MGAT3: variants seen among roughly 807,000 people sequenced by gnomAD.
MGAT3 encodes the protein beta-1,4-mannosyl-glycoprotein 4-beta-N-acetylglucosaminyltransferase.
A neutral mutation model predicts 29.8 loss-of-function variants in MGAT3; 9 were observed. The ratio of observed to expected loss-of-function variants is 0.30; its 90% CI spans 0.18 to 0.53. The LOEUF is 0.53. Among genes scored for constraint, MGAT3 ranks in the 20% least tolerant of loss-of-function variants. The pLI is 0.96. For synonymous variants in MGAT3, 397 were observed against 348.9 expected (o/e 1.14, Z -1.54); for missense variants, 557 against 769.5 (o/e 0.72, Z 3.27).
intron 1 of MGAT3, among the ~76,000 whole-genome samples, chr22:39,478,325 TG>T (rs1220333389): frequency 3.3e-5 from 5 of 152,192 alleles, no homozygotes; most frequent in Admixed American, 1.3e-4. Context: ...ATGCCCTGAG[TG>T]CCCACTGGGT....
intron 1 of MGAT3, among the ~76,000 whole-genome samples, chr22:39,469,092 A>G (rs1202448025): frequency 1.9e-5 from 2 of 103,542 alleles, no homozygotes; most frequent in Non-Finnish European, 3.7e-5. Context: ...AAGTGCGGGC[A>G]GTGGGACTGA....
chr22:39,465,676 A>C (rs1428281716), intron 1 of MGAT3, among the ~76,000 whole-genome samples: 1 of 152,142 alleles, frequency 6.6e-6, no homozygotes, highest in East Asian at 1.9e-4. Flanking sequence ...CATGCAAAAA[A>C]ACTCCAGCAC....
At chr22:39,470,169 A>G (rs1257251406) in intron 1 of MGAT3, among the ~76,000 whole-genome samples, 2 of 152,174 alleles carry the variant, frequency 1.3e-5, no homozygotes, top group African/African-American at 4.8e-5. Context: ...GGCGGGGCAG[A>G]CGTAAACAAC....
intron 1 of MGAT3, among the ~76,000 whole-genome samples, chr22:39,460,643 C>A (rs1391870463): frequency 2.0e-5 from 3 of 152,088 alleles, no homozygotes; most frequent in African/African-American, 7.2e-5. Flanking sequence ...ACTAAAAATA[C>A]AAAAATTAGC....
Position 39,487,238 on chromosome 22 carries a change from TG to T in MGAT3, c.-1-107del. 8.5e-7 allele frequency: 1 copy of T among 1,180,654 alleles called. No individual in the cohort carries two copies. Among genetic ancestry groups the T allele is most frequent in the Non-Finnish European group, 1.2e-6 (1 of 838,670 alleles). 73.1% of individuals were successfully genotyped at this position (1,180,654 alleles called of 1,614,324 possible). ...CACTCCATGCAGGGGCAGCAGGTGC[TG>T]GCCACCACATTGTCCAGCAAGGTGG... On this transcript the variant is annotated intron_variant, in intron 1 of 1. Transcript: ENST00000341184. The surrounding 1 kb of genome is among the most constrained non-coding windows in gnomAD (Gnocchi z 5.7).
intron 1 of MGAT3, among the ~76,000 whole-genome samples, chr22:39,464,717 A>C (rs1057012365): frequency 2.7e-5 from 4 of 150,874 alleles, no homozygotes; most frequent in Non-Finnish European, 5.9e-5. Flanking sequence ...CTGAGATTAC[A>C]GGTGTGAGCC....
intron 1 of MGAT3, among the ~76,000 whole-genome samples, chr22:39,481,516 T>C (rs1381103134): frequency 6.6e-6 from 1 of 152,216 alleles, no homozygotes; most frequent in Non-Finnish European, 1.5e-5. Context: ...CCGAGGTGCC[T>C]GGCACACGGG....
intron 1 of MGAT3, among the ~76,000 whole-genome samples, chr22:39,470,933 T>C (rs2284076): frequency 0.36 from 55,321 of 152,034 alleles, 11,681 homozygotes; most frequent in East Asian, 0.82. Context: ...AAAGCAGCCC[T>C]CGCCCCACGC....
rs1435551649 is a variant in MGAT3, at chr22:39,487,651, G to A, written c.304G>A (p.Glu102Lys). ...ELHRVDLVLPEDTTEYFVRTK... is the reference protein window; with the variant it reads ...ELHRVDLVLPKDTTEYFVRTK... ...CCACCGGGTGGACTTGGTGCTGCCC[G>A]AGGACACCACCGAGTATTTCGTGCG... The change falls in exon 2 of 2, where the codon GAG becomes AAG. Residue 102 changes from glutamate to lysine, a missense_variant. By Grantham distance (56) the Glu-to-Lys change is moderately conservative. Around this residue, in one of 3 missense-constraint regions of MGAT3, gnomAD observed 212 missense variants for 228.5 expected, o/e 0.93. Coordinates refer to ENST00000341184, the MANE Select transcript of MGAT3 (RefSeq NM_002409.5). This position sits in a 1 kb window ranked among gnomAD's most constrained non-coding sequence, Gnocchi z 5.7. The A allele has an allele frequency of 2.5e-6, 4 of 1,610,562 alleles. No homozygotes were observed. Among genetic ancestry groups the A allele is most frequent in the East Asian group, 2.2e-5 (1 of 44,828 alleles).
chr22:39,475,247 C>T (rs760083644), intron 1 of MGAT3, among the ~76,000 whole-genome samples: 3 of 149,846 alleles, frequency 2.0e-5, no homozygotes, highest in Non-Finnish European at 4.4e-5. Flanking sequence ...TTTTTGGGGG[C>T]GAGTCCCTGG....
At chr22:39,485,218 G>A (rs1003274259) in intron 1 of MGAT3, among the ~76,000 whole-genome samples, 5 of 152,208 alleles carry the variant, frequency 3.3e-5, no homozygotes, top group Non-Finnish European at 7.3e-5. Flanking sequence ...TCAAATGGAT[G>A]TAAACTCCTG....
At chr22:39,478,064 C>T (rs573553240) in intron 1 of MGAT3, among the ~76,000 whole-genome samples, 2 of 152,334 alleles carry the variant, frequency 1.3e-5, no homozygotes, top group East Asian at 3.9e-4. Flanking sequence ...TGCCTCCTGC[C>T]TTCTTTTTGG....
At chr22:39,469,252 G>A (rs1928742710) in intron 1 of MGAT3, among the ~76,000 whole-genome samples, 1 of 152,084 alleles carries the variant, frequency 6.6e-6, no homozygotes, top group Non-Finnish European at 1.5e-5. Flanking sequence ...TCATCGGAGC[G>A]TCAGTCCCTT....
intron 1 of MGAT3, among the ~76,000 whole-genome samples, chr22:39,465,440 C>G (rs1221991298): frequency 1.3e-5 from 2 of 152,164 alleles, no homozygotes; most frequent in Non-Finnish European, 2.9e-5. Flanking sequence ...CAGAGCCATA[C>G]CCTCCAACTC....
In MGAT3 at chr22:39,487,280, AG is replaced by A; in HGVS notation, c.-1-65del. 1 of 1,513,130 alleles carries A rather than the reference AG, an allele frequency of 6.6e-7. No individual in the cohort carries two copies. Among genetic ancestry groups the A allele is most frequent in the Non-Finnish European group, 8.9e-7 (1 of 1,124,290 alleles). 93.7% of individuals were successfully genotyped at this position (1,513,130 alleles called of 1,614,324 possible). A position where few individuals can be genotyped will look rare whatever the true frequency, so the allele number is the denominator to read the frequency against. On this transcript the variant is annotated intron_variant, in intron 1 of 1. Coordinates refer to ENST00000341184, the MANE Select transcript of MGAT3 (RefSeq NM_002409.5). This position sits in a 1 kb window ranked among gnomAD's most constrained non-coding sequence, Gnocchi z 5.7. ...AGCAAGGTGGCAGCAGAGGCCTCCTAGGTCCCCTTCCTAGGAAAGGAGCCTG... is the reference window on the plus strand; with the variant it reads ...AGCAAGGTGGCAGCAGAGGCCTCCTAGTCCCCTTCCTAGGAAAGGAGCCTG...
chr22:39,484,920 T>A lies in MGAT3; in HGVS notation c.-1-2427T>A, dbSNP rs376921614. On this transcript the variant is annotated intron_variant, in intron 1 of 1. Transcript: ENST00000341184. ...TGGGAGGCTGAGGCAAGAGAATTGC[T>A]TGAACCTGGTAGATGGAAGTTGCAG... Among the ~76,000 whole-genome samples, 3 of 152,170 alleles carry A rather than the reference T, an allele frequency of 2.0e-5. No individual in the cohort carries two copies. The South Asian group carries it at 6.2e-4, about 32-fold the overall frequency.
chr22:39,466,422 CT>C (rs1928647886), intron 1 of MGAT3, among the ~76,000 whole-genome samples: 1 of 152,212 alleles, frequency 6.6e-6, no homozygotes, highest in African/African-American at 2.4e-5. Context: ...ATGCAGTGCT[CT>C]GAGAATTTTG....
At position 39,463,290 on chromosome 22, in the gene MGAT3, G is replaced by A. The variant is rs914098360; in HGVS notation, c.-2+5733G>A. 6.6e-5 allele frequency among the ~76,000 whole-genome samples: 10 copies of A among 152,318 alleles called. No individual in the cohort carries two copies. In the South Asian group the frequency reaches 2.1e-3, roughly 32 times the overall value. The stretch of plus-strand genomic sequence containing the variant: ...CACTTTGAGGGTACCCAGAGTTGGG[G>A]GTCCACAGCTGGGAAGTGGCAGGGC... On this transcript the variant is annotated intron_variant, in intron 1 of 1. Transcript: ENST00000341184.
intron 1 of MGAT3, chr22:39,486,144 ATTT>A (rs34708754): frequency 0.03 from 10,604 of 357,672 alleles, 1 homozygote; most frequent in Middle Eastern, 0.046. Flanking sequence ...TAGACCTCAA[ATTT>A]TTTTTTTTTT....
Sources: allele counts gnomAD v4.1 joint callset (sites outside exome capture counted in the v4.1 genomes callset), GRCh38; gene constraint gnomAD v4.1.1; regional missense constraint gnomAD v4.1.1; non-coding constraint Gnocchi (gnomAD v3.1); transcripts MANE v1.5; gene names NCBI Gene and HGNC (gene_info 2026-07-23, HGNC 2026-07-21).